The following GLS variants were observed in gnomAD, a reference collection of about 807,000 sequenced individuals.
GLS encodes the protein glutaminase, also known as glutaminase kidney isoform, mitochondrial.
GLS carries 36 observed loss-of-function variants against 86.7 expected under a neutral mutation model. The observed-to-expected ratio is 0.42, with a 90% CI of 0.32 to 0.55. The LOEUF (loss-of-function observed/expected upper bound fraction) is 0.55, where lower values mean the gene tolerates loss of function less well. Among genes scored for constraint, GLS ranks in the 20% least tolerant of loss-of-function variants. GLS has a pLI of 0.17. For missense variants in GLS, 528 were observed against 833.4 expected (o/e 0.63, Z 4.51); for synonymous variants, 317 against 305.9 (o/e 1.04, Z -0.38).
Position 190,921,559 on chromosome 2 carries a change from T to C in GLS, c.1130+356T>C, listed in dbSNP as rs1258122016. ...ATAAATATCTGGAATCTTTTACTTA[T>C]ATTTTCTAATATTTTGTCTTACTTG... On this transcript the variant is annotated intron_variant, in intron 9 of 17. Coordinates refer to ENST00000320717, the MANE Select transcript of GLS (RefSeq NM_014905.5). The surrounding 1 kb of genome is among the most constrained non-coding windows in gnomAD (Gnocchi z 4.2). Among the ~76,000 whole-genome samples, 3 of 152,030 alleles carry C rather than the reference T, an allele frequency of 2.0e-5. No homozygotes were observed. Among genetic ancestry groups the C allele is most frequent in the Non-Finnish European group, 1.5e-5 (1 of 67,880 alleles).
intron 11 of GLS, chr2:190,927,054 A>G (rs781553586): frequency 3.4e-5 from 12 of 355,726 alleles, no homozygotes; most frequent in Non-Finnish European, 4.6e-5. Context: ...CTTAGTGTTT[A>G]GAGGCTGGCA....
At chr2:190,919,107 C>T (rs1463811510) in intron 7 of GLS, among the ~76,000 whole-genome samples, 3 of 152,070 alleles carry the variant, frequency 2.0e-5, no homozygotes, top group Non-Finnish European at 4.4e-5. Context: ...AGGGTTATCA[C>T]AAACCTTCAA....
In GLS at chr2:190,880,971, C is replaced by G. The variant is rs1688131493; in HGVS notation, c.-114C>G. ...CCGGAACCACACCCAAGTAGCTGCC[C>G]TTTCCTCTTCTGTCATCTCACCGCC... On this transcript the variant is annotated 5_prime_UTR_variant, in exon 1 of 18. Coordinates refer to ENST00000320717, the MANE Select transcript of GLS (RefSeq NM_014905.5). 8.0e-7 allele frequency: 1 copy of G among 1,249,648 alleles called. No homozygotes were observed. The highest frequency in any genetic ancestry group is 1.1e-6 in the Non-Finnish European group (1 of 897,302). 77.4% of individuals were successfully genotyped at this position (1,249,648 alleles called of 1,614,324 possible).
chr2:190,907,819 T>A (rs1689213105), intron 6 of GLS, among the ~76,000 whole-genome samples: 1 of 152,194 alleles, frequency 6.6e-6, no homozygotes, highest in Non-Finnish European at 1.5e-5. Context: ...GACTACAGGA[T>A]ACAGAAGGCA....
intron 17 of GLS, among the ~76,000 whole-genome samples, chr2:190,960,947 A>G (rs1690985629): frequency 6.6e-6 from 1 of 152,158 alleles, no homozygotes; most frequent in African/African-American, 2.4e-5. Context: ...AAAGCAAAAA[A>G]TTGAAGAGCA....
chr2:190,945,347 A>G (rs1440175917), intron 14 of GLS, among the ~76,000 whole-genome samples: 1 of 152,160 alleles, frequency 6.6e-6, no homozygotes, highest in East Asian at 1.9e-4. Flanking sequence ...GAGTGAAATT[A>G]TTTCAGATTA....
chr2:190,898,687 A>G (rs909289418), intron 3 of GLS, among the ~76,000 whole-genome samples: 10 of 152,280 alleles, frequency 6.6e-5, no homozygotes, highest in Admixed American at 1.3e-4. Context: ...GCTGGAGTGC[A>G]ATGGCGCGAT....
intron 14 of GLS, among the ~76,000 whole-genome samples, chr2:190,944,220 G>A (rs978757466): frequency 6.7e-6 from 1 of 149,540 alleles, no homozygotes; most frequent in East Asian, 1.9e-4. Flanking sequence ...TTTAATATGT[G>A]TATTTGGTGA....
Position 190,895,757 on chromosome 2 carries a change from T to C in GLS, c.605+32T>C. 1 of 1,561,942 alleles carries C rather than the reference T, an allele frequency of 6.4e-7. No homozygotes were observed. The highest frequency in any genetic ancestry group is 8.7e-7 in the Non-Finnish European group (1 of 1,144,534). On this transcript the variant is annotated intron_variant, in intron 3 of 17. Transcript: ENST00000320717. This position sits in a 1 kb window ranked among gnomAD's most constrained non-coding sequence, Gnocchi z 4.2. ...GTTTCTGCCAAACCTTTAATGGTGA[T>C]TTGCTATGCTATACGGTGATTCTGC... is the stretch of plus-strand genomic sequence containing the variant.
intron 14 of GLS, among the ~76,000 whole-genome samples, chr2:190,946,867 G>T (rs1218947466): frequency 1.3e-5 from 2 of 152,142 alleles, no homozygotes; most frequent in Non-Finnish European, 2.9e-5. Context: ...TGGTCTAGTT[G>T]TACAGAATTG....
At chr2:190,932,981 G>T in intron 14 of GLS, 9 of 1,229,692 alleles carry the variant, frequency 7.3e-6, no homozygotes, top group Non-Finnish European at 7.1e-6. Context: ...TTGGGTGCTG[G>T]AGCCATAAAG....
rs1690501843 is a variant in GLS, at chr2:190,943,473, C to G, written c.1651-10092C>G. 6.6e-6 allele frequency among the ~76,000 whole-genome samples: 1 copy of G among 152,076 alleles called. No homozygotes were observed. The highest frequency in any genetic ancestry group is 2.4e-5 in the African/African-American group (1 of 41,404). On this transcript the variant is annotated intron_variant, in intron 14 of 17. Coordinates refer to ENST00000320717, the MANE Select transcript of GLS (RefSeq NM_014905.5). The surrounding 1 kb of genome is among the most constrained non-coding windows in gnomAD (Gnocchi z 4.5). ...GAAAGGTGGCCAGAGAAGAGAAAAT[C>G]CAGCATAGTGCAATATCAGCAGTCA... is the stretch of plus-strand genomic sequence containing the variant.
At chr2:190,931,104 G>C (rs143193549) in intron 13 of GLS, among the ~76,000 whole-genome samples, 1 of 152,230 alleles carries the variant, frequency 6.6e-6, no homozygotes, top group African/African-American at 2.4e-5. Flanking sequence ...TTACTTGCTT[G>C]AGTTCATATT....
chr2:190,905,180 T>C lies in GLS; in HGVS notation c.979+13T>C. The C allele has an allele frequency of 6.7e-7, 1 of 1,499,076 alleles. No individual in the cohort carries two copies. The highest frequency in any genetic ancestry group is 9.2e-7 in the Non-Finnish European group (1 of 1,088,208). 92.9% of individuals were successfully genotyped at this position (1,499,076 alleles called of 1,614,324 possible). A position where few individuals can be genotyped will look rare whatever the true frequency, so the allele number is the denominator to read the frequency against. On this transcript the variant is annotated intron_variant, in intron 6 of 17. Coordinates refer to ENST00000320717, the MANE Select transcript of GLS (RefSeq NM_014905.5). The surrounding 1 kb of genome is among the most constrained non-coding windows in gnomAD (Gnocchi z 4.6). Reference sequence around the variant, plus strand: ...TTGAATGAAGATGGTAAGAATTACATAAACATTGGTTGAAAAAAGAAATGT... The same window carrying C: ...TTGAATGAAGATGGTAAGAATTACACAAACATTGGTTGAAAAAAGAAATGT...
At chr2:190,931,414 A>G in intron 13 of GLS, 131 bp from the exon 14 acceptor site, 1 of 429,798 alleles carries the variant, frequency 2.3e-6, no homozygotes, top group East Asian at 3.5e-5. Flanking sequence ...TTCTTGATGC[A>G]TTATACTACT....
Position 190,928,253 on chromosome 2 carries a change from CATT to C in GLS, c.1425+776_1425+778del, listed in dbSNP as rs549939186. ...ATATTACATATCAAAACTTTAATAT[CATT>C]ATTAATATCAATATTAAATTGAATA... is the stretch of plus-strand genomic sequence containing the variant. On this transcript the variant is annotated intron_variant, in intron 12 of 17. Coordinates refer to ENST00000320717, the MANE Select transcript of GLS (RefSeq NM_014905.5). 2.1e-4 allele frequency among the ~76,000 whole-genome samples: 32 copies of C among 151,448 alleles called. 1 individual carries two copies. In the South Asian group the frequency reaches 2.3e-3, roughly 11 times the overall value.
intron 1 of GLS, among the ~76,000 whole-genome samples, chr2:190,893,426 C>T (rs182939262): frequency 6.6e-6 from 1 of 152,250 alleles, no homozygotes; most frequent in Non-Finnish European, 1.5e-5. Flanking sequence ...TGTTGAGCTT[C>T]TAAGTATGTA....
rs1239902122 is a variant in GLS, at chr2:190,955,727, T to C, written c.1853+909T>C. Among the ~76,000 whole-genome samples, 6 of 152,372 alleles carry C rather than the reference T, an allele frequency of 3.9e-5. No homozygotes were observed. Among genetic ancestry groups the C allele is most frequent in the South Asian group, 2.1e-4 (1 of 4,828 alleles). ...ACACTGTCTTCCACAATGGTTGAAC[T>C]AATTTACACTCCCACTAACAGTGTA... On this transcript the variant is annotated intron_variant, in intron 17 of 17. Transcript: ENST00000320717. This position sits in a 1 kb window ranked among gnomAD's most constrained non-coding sequence, Gnocchi z 5.6.
chr2:190,931,713 A>G (rs1000414879), intron 14 of GLS, 76 bp downstream of exon 14: 9 of 682,000 alleles, frequency 1.3e-5, no homozygotes, highest in African/African-American at 1.8e-5. Flanking sequence ...TGTATAAATA[A>G]AATCTTAGTT....
Sources: allele counts gnomAD v4.1 joint callset (sites outside exome capture counted in the v4.1 genomes callset), GRCh38; gene constraint gnomAD v4.1.1; non-coding constraint Gnocchi (gnomAD v3.1); transcripts MANE v1.5; gene names NCBI Gene and HGNC (gene_info 2026-07-23, HGNC 2026-07-21).